Variants in GUCY1A2 observed in about 807,000 individuals in gnomAD.
GUCY1A2 encodes the protein guanylate cyclase 1 soluble subunit alpha 2.
GUCY1A2 carries 27 observed loss-of-function variants against 63.5 expected under a neutral mutation model. That is an observed-to-expected ratio of 0.43 (90% CI 0.31 to 0.59). The LOEUF is 0.59. Among genes scored for constraint, GUCY1A2 ranks in the 20% least tolerant of loss-of-function variants. The pLI is 0.11. For synonymous variants in GUCY1A2, 364 were observed against 343.5 expected (o/e 1.06, Z -0.66); for missense variants, 768 against 913.3 (o/e 0.84, Z 2.05).
At chr11:106,702,612 T>TTAAG (rs1862834858) in intron 7 of GUCY1A2, among the ~76,000 whole-genome samples, 1 of 152,128 alleles carries the variant, frequency 6.6e-6, no homozygotes, top group African/African-American at 2.4e-5. Context: ...AATCTATATC[T>TTAAG]TAAGTCCCAG....
chr11:106,906,512 C>G (rs1860208169), intron 4 of GUCY1A2, among the ~76,000 whole-genome samples: 1 of 152,026 alleles, frequency 6.6e-6, no homozygotes, highest in African/African-American at 2.4e-5. Flanking sequence ...TTAGTTCAAC[C>G]ATTGTGGGTG....
chr11:106,704,758 A>C (rs1310122940), intron 7 of GUCY1A2, among the ~76,000 whole-genome samples: 1 of 152,100 alleles, frequency 6.6e-6, no homozygotes, highest in Non-Finnish European at 1.5e-5. Flanking sequence ...AAATTTGCTA[A>C]AGCCATCCTT....
intron 4 of GUCY1A2, among the ~76,000 whole-genome samples, chr11:106,819,808 A>C (rs1858877888): frequency 6.6e-6 from 1 of 152,146 alleles, no homozygotes; most frequent in African/African-American, 2.4e-5. Flanking sequence ...CAGCCTTACA[A>C]AAGAAAAAAA....
chr11:106,822,498 C>T (rs992009124), intron 4 of GUCY1A2, among the ~76,000 whole-genome samples: 31 of 152,032 alleles, frequency 2.0e-4, no homozygotes, highest in African/African-American at 7.2e-4. Flanking sequence ...GGTAGTTTTT[C>T]GACCCTCACC....
intron 1 of GUCY1A2, among the ~76,000 whole-genome samples, chr11:107,005,323 C>T (rs1861658099): frequency 6.6e-6 from 1 of 152,154 alleles, no homozygotes; most frequent in Admixed American, 6.6e-5. Flanking sequence ...ACCCAAGCTG[C>T]CATTCAGTAG....
At chr11:106,815,825 C>T (rs952390073) in intron 4 of GUCY1A2, among the ~76,000 whole-genome samples, 2 of 151,512 alleles carry the variant, frequency 1.3e-5, no homozygotes, top group African/African-American at 2.4e-5. Context: ...GAGAAGGTGA[C>T]GTGAAGAAAG....
intron 7 of GUCY1A2, among the ~76,000 whole-genome samples, chr11:106,691,697 C>T (rs1862629108): frequency 6.6e-6 from 1 of 152,144 alleles, no homozygotes; most frequent in Non-Finnish European, 1.5e-5. Flanking sequence ...AAATAGATCT[C>T]ATGTACTTTG....
intron 3 of GUCY1A2, among the ~76,000 whole-genome samples, chr11:106,958,355 A>G (rs1214257340): frequency 6.6e-6 from 1 of 152,164 alleles, no homozygotes; most frequent in Non-Finnish European, 1.5e-5. Context: ...TGCTCTTCCA[A>G]AACTGAATAT....
intron 4 of GUCY1A2, among the ~76,000 whole-genome samples, chr11:106,893,358 G>A (rs1195533504): frequency 3.3e-5 from 5 of 151,968 alleles, no homozygotes; most frequent in Non-Finnish European, 7.4e-5. Context: ...AAATTTCATG[G>A]AAGGAAAGAG....
chr11:106,857,023 T>G (rs1859445872), intron 4 of GUCY1A2, among the ~76,000 whole-genome samples: 2 of 152,332 alleles, frequency 1.3e-5, no homozygotes, highest in South Asian at 4.1e-4. Context: ...ATTACCTAAA[T>G]GAGCTATTAC....
At chr11:106,882,888 T>C (rs1859845103) in intron 4 of GUCY1A2, among the ~76,000 whole-genome samples, 1 of 152,060 alleles carries the variant, frequency 6.6e-6, no homozygotes, top group Admixed American at 6.6e-5. Flanking sequence ...TCTGAAACTA[T>C]AAAACCAACC....
At chr11:106,772,879 G>C (rs892202127) in intron 6 of GUCY1A2, among the ~76,000 whole-genome samples, 2 of 152,098 alleles carry the variant, frequency 1.3e-5, no homozygotes, top group Admixed American at 1.3e-4. Context: ...GCAAATGTGA[G>C]ACAGTATTCC....
intron 1 of GUCY1A2, among the ~76,000 whole-genome samples, chr11:106,987,732 C>T (rs1330250362): frequency 2.6e-5 from 4 of 151,098 alleles, no homozygotes; most frequent in African/African-American, 9.7e-5. Context: ...TTCATAAAAA[C>T]ATCCAAGACA....
At chr11:106,861,194 AACCCCT>A (rs1477736303) in intron 4 of GUCY1A2, among the ~76,000 whole-genome samples, 1 of 152,012 alleles carries the variant, frequency 6.6e-6, no homozygotes, top group Non-Finnish European at 1.5e-5. Flanking sequence ...CAGACCTCAT[AACCCCT>A]TGAAATATAA....
At chr11:106,936,820 A>C in intron 4 of GUCY1A2, 1 of 590,368 alleles carries the variant, frequency 1.7e-6, no homozygotes, top group East Asian at 2.9e-5. Context: ...GAATAAATAT[A>C]AATTATTTTA....
intron 3 of GUCY1A2, among the ~76,000 whole-genome samples, chr11:106,971,610 G>A (rs1389468403): frequency 6.6e-6 from 1 of 152,066 alleles, no homozygotes; most frequent in African/African-American, 2.4e-5. Context: ...TGATCCATAT[G>A]GTAATGGAGT....
intron 4 of GUCY1A2, among the ~76,000 whole-genome samples, chr11:106,848,040 C>T (rs1859300359): frequency 6.6e-6 from 1 of 151,440 alleles, no homozygotes; most frequent in African/African-American, 2.4e-5. Flanking sequence ...TTAATGGATT[C>T]AGATCTGTGG....
chr11:106,989,500 C>T (rs576347356), intron 1 of GUCY1A2, among the ~76,000 whole-genome samples: 2 of 152,214 alleles, frequency 1.3e-5, no homozygotes, highest in African/African-American at 4.8e-5. Flanking sequence ...ATCTCTGACA[C>T]ACAGTCGGTG....
At chr11:106,775,632 C>A (rs985846245) in intron 6 of GUCY1A2, among the ~76,000 whole-genome samples, 1 of 152,060 alleles carries the variant, frequency 6.6e-6, no homozygotes, top group African/African-American at 2.4e-5. Context: ...TCAGTGTCCC[C>A]AATCTGCTAT....
Sources: gnomAD v4.1 joint callset for allele counts (sites outside exome capture counted in the v4.1 genomes callset) on GRCh38, gnomAD v4.1.1 for gene constraint, MANE v1.5 for transcripts, NCBI Gene and HGNC (gene_info 2026-07-23, HGNC 2026-07-21) for gene names.